The following PAAF1 variants were observed in gnomAD, a reference collection of about 807,000 sequenced individuals.
PAAF1 encodes proteasomal ATPase associated factor 1.
Under a neutral mutation model 52.8 loss-of-function variants are expected in PAAF1, and 46 were observed. The observed-to-expected ratio is 0.87, with a 90% CI of 0.69 to 1.11. The LOEUF (loss-of-function observed/expected upper bound fraction) is 1.11, where lower values mean the gene tolerates loss of function less well. Ranked by LOEUF, PAAF1 falls within the 50% of genes most tolerant of loss-of-function variation. PAAF1 has a pLI of 0.00. For synonymous variants in PAAF1, 178 were observed against 172.8 expected (o/e 1.03, Z -0.24); for missense variants, 424 against 477.4 (o/e 0.89, Z 1.04).
chr11:73,890,558 A>T (rs1329925648), intron 3 of PAAF1, among the ~76,000 whole-genome samples: 1 of 152,224 alleles, frequency 6.6e-6, no homozygotes, highest in African/African-American at 2.4e-5. Flanking sequence ...ACCCAGGCCT[A>T]CATATTTTAT....
chr11:73,902,655 G>GT (rs11460827), intron 6 of PAAF1, among the ~76,000 whole-genome samples: 36,273 of 152,016 alleles, frequency 0.24, 5,036 homozygotes, highest in African/African-American at 0.39. Context: ...GAATATGTAT[G>GT]GACCTTTAGC....
rs566611530 is a variant in PAAF1, at chr11:73,918,599, C to G, written c.936-351C>G. Among the ~76,000 whole-genome samples, 4 of 151,596 alleles carry G rather than the reference C, an allele frequency of 2.6e-5. No homozygotes were observed. In the East Asian group the frequency reaches 7.7e-4, roughly 29 times the overall value. On this transcript the variant is annotated intron_variant, in intron 9 of 11. Coordinates refer to ENST00000310571, the MANE Select transcript of PAAF1 (RefSeq NM_025155.3). ...TCCCGCCATTCTCCTGCCTCAGCCT[C>G]TTTCTTTTTAGAGTCCTGACAATTT...
intron 6 of PAAF1, among the ~76,000 whole-genome samples, chr11:73,900,856 C>T (rs1469588312): frequency 6.6e-6 from 1 of 150,768 alleles, no homozygotes; most frequent in Non-Finnish European, 1.5e-5. Context: ...GTGGCGGGCG[C>T]CTGTAGTCCC....
At chr11:73,876,969 G>A (rs1022049179), upstream of PAAF1, 2 of 1,487,208 alleles carry the variant, frequency 1.3e-6, no homozygotes, top group East Asian at 2.6e-5. Context: ...GCTTCTCGGG[G>A]ACTCACTTCC....
rs376353396 is a variant in PAAF1, at chr11:73,899,247, A to G, written c.381+3A>G. ...AGGCTTCCAATGGAGAACTCAGGGT[A>G]AAGGATTTGGATGTACTTTTAGGTC... On this transcript the variant is annotated splice_donor_region_variant and intron_variant, in intron 5 of 11. Transcript: ENST00000310571. 6.6e-5 allele frequency: 106 copies of G among 1,612,126 alleles called. No individual in the cohort carries two copies. The highest frequency in any genetic ancestry group is 7.8e-5 in the Non-Finnish European group (92 of 1,178,478).
intron 7 of PAAF1, among the ~76,000 whole-genome samples, chr11:73,912,524 C>T (rs1180712937): frequency 6.6e-6 from 1 of 152,082 alleles, no homozygotes; most frequent in African/African-American, 2.4e-5. Context: ...TCTCCCTCCC[C>T]CTCTCTCCCT....
chr11:73,897,089 G>C (rs1317969232), intron 4 of PAAF1, among the ~76,000 whole-genome samples: 1 of 145,470 alleles, frequency 6.9e-6, no homozygotes, highest in Non-Finnish European at 1.5e-5. Context: ...AGACGGGGCG[G>C]CTGGCCGGGC....
intron 8 of PAAF1, 39 bp downstream of exon 8, chr11:73,914,543 C>G (rs1950013461): frequency 1.3e-6 from 2 of 1,555,114 alleles, no homozygotes; most frequent in African/African-American, 2.7e-5. Context: ...TCTGAGGCAA[C>G]CTGGGTCACT....
intron 6 of PAAF1, among the ~76,000 whole-genome samples, chr11:73,901,031 G>C (rs569361817): frequency 2.0e-4 from 24 of 122,260 alleles, no homozygotes; most frequent in African/African-American, 6.7e-4. Flanking sequence ...TTCTACAATT[G>C]ATAAAGGAAA....
intron 6 of PAAF1, among the ~76,000 whole-genome samples, chr11:73,905,440 T>C (rs183084287): frequency 4.6e-5 from 7 of 152,206 alleles, no homozygotes; most frequent in Admixed American, 2.6e-4. Flanking sequence ...GCAAGGCTGG[T>C]CTCAAACTCC....
At chr11:73,881,763 G>A (rs981769604) in intron 2 of PAAF1, among the ~76,000 whole-genome samples, 8 of 152,178 alleles carry the variant, frequency 5.3e-5, no homozygotes, top group Admixed American at 2.6e-4. Flanking sequence ...CTGGAGTGCA[G>A]TGGTGCAATC....
rs542762740 is a variant in PAAF1, at chr11:73,893,112, T to C, written c.282+1911T>C. Among the ~76,000 whole-genome samples the C allele has an allele frequency of 8.1e-4, 123 of 152,338 alleles. 4 individuals carry two copies. The South Asian group carries it at 0.025, about 31-fold the overall frequency. On this transcript the variant is annotated intron_variant, in intron 4 of 11. Transcript: ENST00000310571. ...ACTGGACATTCAGGTGTTTCCAGTT[T>C]TGTGATTTTGTATTTTTATGAATAC...
At chr11:73,900,194 A>AC in intron 5 of PAAF1, 76 bp from the exon 6 acceptor site, 1 of 1,465,298 alleles carries the variant, frequency 6.8e-7, no homozygotes, top group African/African-American at 1.4e-5. Context: ...CATATAAGGG[A>AC]CCAGAGTATG....
chr11:73,876,842 C>A, upstream of PAAF1: 2 of 609,898 alleles, frequency 3.3e-6, no homozygotes, highest in Non-Finnish European at 5.1e-6. Flanking sequence ...TCTGTACATC[C>A]TTTCAGGAAC....
intron 2 of PAAF1, among the ~76,000 whole-genome samples, chr11:73,883,597 G>A (rs1948978056): frequency 6.6e-6 from 1 of 151,890 alleles, no homozygotes; most frequent in Admixed American, 6.6e-5. Context: ...CCTCACTGCA[G>A]CCTTCACCTC....
chr11:73,921,551 T>G lies in PAAF1; in HGVS notation c.1018+2519T>G, dbSNP rs1591132428. On this transcript the variant is annotated intron_variant, in intron 10 of 11. Transcript: ENST00000310571. The stretch of plus-strand genomic sequence containing the variant: ...GAGTTTTTCAAGTAAAGACATGGTC[T>G]TCTCTCTTCTGTATAAAACTTTATG... 3.3e-5 allele frequency: 18 copies of G among 543,178 alleles called. 1 individual carries two copies. The highest frequency in any genetic ancestry group is 2.8e-4 in the South Asian group (18 of 64,002). The allele number at this position is 543,178 out of a possible 1,614,324, so 33.6% of individuals were successfully genotyped here. A position where few individuals can be genotyped will look rare whatever the true frequency, so the allele number is the denominator to read the frequency against.
At chr11:73,880,112 T>G (rs1331838296) in intron 2 of PAAF1, 1 of 151,952 alleles carries the variant, frequency 6.6e-6, no homozygotes, top group Non-Finnish European at 1.5e-5. Context: ...TCCCAGCTAC[T>G]CAAGAGGCAG....
At chr11:73,911,374 G>A (rs1484537468) in intron 7 of PAAF1, among the ~76,000 whole-genome samples, 1 of 151,904 alleles carries the variant, frequency 6.6e-6, no homozygotes, top group Non-Finnish European at 1.5e-5. Flanking sequence ...GTAGAGACAG[G>A]GTCTCACTAT....
chr11:73,897,260 G>T (rs1175110274), intron 4 of PAAF1, among the ~76,000 whole-genome samples: 1 of 150,410 alleles, frequency 6.6e-6, no homozygotes, highest in Non-Finnish European at 1.5e-5. Flanking sequence ...CCTCCCGGAC[G>T]GGGCGGCTGG....
Sources: allele counts gnomAD v4.1 joint callset (sites outside exome capture counted in the v4.1 genomes callset), GRCh38; gene constraint gnomAD v4.1.1; transcripts MANE v1.5; gene names NCBI Gene and HGNC (gene_info 2026-07-23, HGNC 2026-07-21).